Variants in CATSPERE observed in about 807,000 individuals in gnomAD.
CATSPERE encodes catsper channel auxiliary subunit epsilon, also known as cation channel sperm-associated auxiliary subunit epsilon.
In CATSPERE, 93 loss-of-function variants were observed where a neutral mutation model predicts 114.1. The ratio of observed to expected loss-of-function variants is 0.81; its 90% CI spans 0.69 to 0.97. The LOEUF (loss-of-function observed/expected upper bound fraction) is 0.97. CATSPERE is among the 50% of genes least tolerant of loss of function. The probability of loss-of-function intolerance (pLI) is 0.00; values close to 1 mark genes in which losing one functional copy is unlikely to be tolerated. For missense variants in CATSPERE, 1,058 were observed against 1,131.6 expected, an observed-to-expected ratio of 0.93 and a Z score of 0.93; for synonymous variants, 341 against 384.1, an observed-to-expected ratio of 0.89 and a Z score of 1.31.
At chr1:244,453,094 C>T (rs1665771482), upstream of CATSPERE, among the ~76,000 whole-genome samples, 1 of 152,154 alleles carries the variant, frequency 6.6e-6, no homozygotes, top group South Asian at 2.1e-4. Flanking sequence ...GTGTCCTGGG[C>T]ACTGATAACA....
At position 244,572,483 on chromosome 1, in the gene CATSPERE, A is replaced by G; in HGVS notation, c.1661A>G (p.Tyr554Cys). ...ACATCTGGTCAAACATATTTCCTGT[A>G]TGCTTTGGATGATGGCACAATACAA... ...LSTSGQTYFL[Y>C]ALDDGTIQIQ... The change falls in exon 11 of 22, where the codon TAT (tyrosine) becomes TGT (cysteine). Residue 554 changes from tyrosine to cysteine, a missense_variant. Coordinates refer to ENST00000366534, the MANE Select transcript of CATSPERE (RefSeq NM_001130957.2). 2 of 1,614,162 alleles carry G rather than the reference A, an allele frequency of 1.2e-6. No individual in the cohort carries two copies. The highest frequency in any genetic ancestry group is 2.2e-5 in the East Asian group (1 of 44,870).
At chr1:244,469,230 A>C (rs1668075605) in intron 2 of CATSPERE, among the ~76,000 whole-genome samples, 1 of 152,184 alleles carries the variant, frequency 6.6e-6, no homozygotes, top group Non-Finnish European at 1.5e-5. Flanking sequence ...AAACATTTAA[A>C]TATACATAAA....
At chr1:244,512,654 G>A (rs1314544729) in intron 7 of CATSPERE, among the ~76,000 whole-genome samples, 1 of 152,040 alleles carries the variant, frequency 6.6e-6, no homozygotes, top group Admixed American at 6.5e-5. Context: ...TGTTTCTTGT[G>A]TCTTGCACAG....
At chr1:244,599,765 C>T (rs531555491) in intron 17 of CATSPERE, among the ~76,000 whole-genome samples, 3 of 152,254 alleles carry the variant, frequency 2.0e-5, no homozygotes, top group East Asian at 1.9e-4. Flanking sequence ...GCTTCCTTAC[C>T]GTTCCTCAAG....
intron 7 of CATSPERE, among the ~76,000 whole-genome samples, chr1:244,515,548 A>T (rs959924161): frequency 3.3e-5 from 5 of 152,218 alleles, no homozygotes; most frequent in African/African-American, 9.6e-5. Flanking sequence ...ATTGGATGGT[A>T]CTTGAAGCCA....
At chr1:244,604,757 A>G (rs1445734435) in intron 17 of CATSPERE, among the ~76,000 whole-genome samples, 1 of 152,254 alleles carries the variant, frequency 6.6e-6, no homozygotes, top group Admixed American at 6.5e-5. Flanking sequence ...CTGGTGTGCA[A>G]AGGCACGACT....
At chr1:244,479,096 G>GT (rs1358780161) in intron 4 of CATSPERE, among the ~76,000 whole-genome samples, 214 of 127,024 alleles carry the variant, frequency 1.7e-3, no homozygotes, top group African/African-American at 5.9e-3. Flanking sequence ...TTTGTTTTTT[G>GT]TTTTTTTTCC....
chr1:244,632,964 ATAG>A (rs376613117), intron 20 of CATSPERE, among the ~76,000 whole-genome samples: 6 of 152,360 alleles, frequency 3.9e-5, no homozygotes, highest in South Asian at 2.1e-4. Context: ...AACCATGCTA[ATAG>A]TAGTCAAAAG....
At position 244,639,995 on chromosome 1, in the gene CATSPERE, T is replaced by C. The variant is rs1217865992; in HGVS notation, c.2770T>C (p.Leu924=). 6.4e-7 allele frequency: 1 copy of C among 1,551,388 alleles called. No individual in the cohort carries two copies. The highest frequency in any genetic ancestry group is 8.7e-7 in the Non-Finnish European group (1 of 1,146,826). The change falls in exon 22 of 22, where the codon TTG becomes CTG. Residue 924 remains leucine, a synonymous_variant. Coordinates refer to ENST00000366534, the MANE Select transcript of CATSPERE (RefSeq NM_001130957.2). ...GCTGCTCTTCTTCACTATTCTTGTT[T>C]TGAGCTACTTTCGGTACATGAGGAT... ...LMLLFFTILV[L]SYFRYMRIYR...
intron 8 of CATSPERE, among the ~76,000 whole-genome samples, chr1:244,534,004 T>G (rs907679225): frequency 5.9e-5 from 9 of 152,140 alleles, no homozygotes; most frequent in African/African-American, 1.9e-4. Flanking sequence ...TTCTCCTTCA[T>G]GTTTGAAGGA....
At chr1:244,529,320 A>G (rs1679227915) in intron 8 of CATSPERE, among the ~76,000 whole-genome samples, 1 of 152,076 alleles carries the variant, frequency 6.6e-6, no homozygotes, top group Admixed American at 6.5e-5. Context: ...CCCTTTCTCC[A>G]GCATTTGTTA....
At chr1:244,515,574 C>A (rs1239164767) in intron 7 of CATSPERE, among the ~76,000 whole-genome samples, 1 of 152,122 alleles carries the variant, frequency 6.6e-6, no homozygotes, top group African/African-American at 2.4e-5. Context: ...GAAATGAGAT[C>A]ACGTAGGAAG....
intron 6 of CATSPERE, among the ~76,000 whole-genome samples, chr1:244,491,643 A>T (rs1164032626): frequency 6.6e-6 from 1 of 152,210 alleles, no homozygotes; most frequent in Non-Finnish European, 1.5e-5. Context: ...CAAAAAATTA[A>T]TGAATCCAGG....
At chr1:244,499,569 C>A (rs532534849) in intron 7 of CATSPERE, among the ~76,000 whole-genome samples, 2 of 146,958 alleles carry the variant, frequency 1.4e-5, no homozygotes, top group African/African-American at 5.0e-5. Context: ...GTTCAACTCC[C>A]AATTATGAGT....
intron 2 of CATSPERE, among the ~76,000 whole-genome samples, chr1:244,477,085 T>C (rs1239517898): frequency 7.2e-5 from 11 of 152,154 alleles, no homozygotes; most frequent in African/African-American, 2.4e-4. Flanking sequence ...AACCTCTGCC[T>C]CCCAGGTTCA....
intron 21 of CATSPERE, among the ~76,000 whole-genome samples, chr1:244,636,916 C>T (rs1674693702): frequency 6.6e-6 from 1 of 152,100 alleles, no homozygotes; most frequent in Admixed American, 6.5e-5. Context: ...GCTCCTAGTC[C>T]AGCACTCAAC....
At chr1:244,473,571 T>C (rs562398990) in intron 2 of CATSPERE, among the ~76,000 whole-genome samples, 47 of 152,288 alleles carry the variant, frequency 3.1e-4, no homozygotes, top group African/African-American at 1.1e-3. Flanking sequence ...TTCATTCTCT[T>C]AACAGTGTCT....
At chr1:244,548,025 T>TCA (rs1227095058) in intron 8 of CATSPERE, among the ~76,000 whole-genome samples, 1 of 152,212 alleles carries the variant, frequency 6.6e-6, no homozygotes, top group Non-Finnish European at 1.5e-5. Context: ...ATTAGGTACT[T>TCA]CAAAAGAACA....
intron 9 of CATSPERE, among the ~76,000 whole-genome samples, chr1:244,556,697 T>C (rs575905719): frequency 6.6e-6 from 1 of 152,218 alleles, no homozygotes; most frequent in Non-Finnish European, 1.5e-5. Flanking sequence ...AAGTTTTTAA[T>C]CCATTTTGAG....
Sources: allele counts gnomAD v4.1 joint callset (sites outside exome capture counted in the v4.1 genomes callset), GRCh38; gene constraint gnomAD v4.1.1; transcripts MANE v1.5; gene names NCBI Gene and HGNC (gene_info 2026-07-23, HGNC 2026-07-21).